PLD5: variants seen among roughly 807,000 people sequenced by gnomAD.
The protein encoded by PLD5 is inactive phospholipase D5.
Under a neutral mutation model 61.1 loss-of-function variants are expected in PLD5, and 36 were observed. The ratio of observed to expected loss-of-function variants is 0.59; its 90% CI spans 0.45 to 0.78. The LOEUF (loss-of-function observed/expected upper bound fraction) is 0.78, where lower values mean the gene tolerates loss of function less well. PLD5 is among the 30% of genes least tolerant of loss of function. The pLI, the probability that PLD5 is intolerant of heterozygous loss-of-function variation, is 0.00. For synonymous variants in PLD5, 243 were observed against 242.8 expected, an observed-to-expected ratio of 1.00 and a Z score of -0.01; for missense variants, 515 against 644.4, an observed-to-expected ratio of 0.80 and a Z score of 2.17.
intron 1 of PLD5, among the ~76,000 whole-genome samples, chr1:242,479,556 C>T (rs1047490834): frequency 1.3e-5 from 2 of 152,206 alleles, no homozygotes; most frequent in East Asian, 3.9e-4. Flanking sequence ...TCCGTAAAGA[C>T]ATACTATATG....
chr1:242,442,625 T>C (rs1228378844), intron 1 of PLD5, among the ~76,000 whole-genome samples: 1 of 152,210 alleles, frequency 6.6e-6, no homozygotes, highest in Non-Finnish European at 1.5e-5. Context: ...TGCAAAAATG[T>C]GAGCTGTACA....
At chr1:242,103,262 C>T (rs910048188) in intron 8 of PLD5, among the ~76,000 whole-genome samples, 1 of 152,166 alleles carries the variant, frequency 6.6e-6, no homozygotes, top group Admixed American at 6.5e-5. Flanking sequence ...CCTTCCCCAG[C>T]GCACACCTGC....
intron 1 of PLD5, among the ~76,000 whole-genome samples, chr1:242,370,428 AAGAGAGATGCAGAGAG>A (rs1571995538): frequency 6.6e-6 from 1 of 152,100 alleles, no homozygotes; most frequent in Admixed American, 6.6e-5. Context: ...GGTGAGGGGA[AAGAGAGATGCAGAGAG>A]AGAGAGATGC....
At chr1:242,143,621 G>T (rs935944771) in intron 5 of PLD5, among the ~76,000 whole-genome samples, 1 of 152,074 alleles carries the variant, frequency 6.6e-6, no homozygotes, top group Non-Finnish European at 1.5e-5. Flanking sequence ...TATAAACCCC[G>T]AGGAGGGAAA....
intron 6 of PLD5, among the ~76,000 whole-genome samples, chr1:242,120,488 G>A (rs1366543856): frequency 6.6e-6 from 1 of 152,008 alleles, no homozygotes; most frequent in Admixed American, 6.6e-5. Context: ...ATTTTATGGT[G>A]TGTAAATTAC....
rs1382050876 is a variant in PLD5, at chr1:242,348,209, C to T, written c.223G>A (p.Val75Met). 2.5e-6 allele frequency: 4 copies of T among 1,612,150 alleles called. No individual in the cohort carries two copies. The African/African-American group carries it at 5.4e-5, about 22-fold the overall frequency. ...QQKCIVIFAL[V>M]CCFAILVALI... ...GCAACCAGAATGGCAAAGCAGCACA[C>T]CAGGGCAAAGATCACGATGCACTTC... The change falls in exon 2 of 10, where the codon GTG (valine) becomes ATG (methionine). Residue 75 changes from valine to methionine, a missense_variant. Val to Met is a conservative substitution (Grantham distance 21). Coordinates refer to ENST00000536534, the MANE Select transcript of PLD5 (RefSeq NM_001372062.1).
At chr1:242,101,761 A>C (rs1276437938) in intron 8 of PLD5, among the ~76,000 whole-genome samples, 1 of 152,170 alleles carries the variant, frequency 6.6e-6, no homozygotes, top group Admixed American at 6.5e-5. Flanking sequence ...AAATAATGAG[A>C]GTTGGACTTC....
At chr1:242,478,958 TA>T (rs1374988602) in intron 1 of PLD5, among the ~76,000 whole-genome samples, 1 of 152,242 alleles carries the variant, frequency 6.6e-6, no homozygotes, top group African/African-American at 2.4e-5. Flanking sequence ...TGGAAGTTTT[TA>T]TGAAGTTTTT....
intron 1 of PLD5, among the ~76,000 whole-genome samples, chr1:242,411,463 C>T (rs1454347835): frequency 6.6e-6 from 1 of 152,090 alleles, no homozygotes; most frequent in Non-Finnish European, 1.5e-5. Context: ...TCTCGATCTC[C>T]TGACCTCGTG....
chr1:242,233,849 A>C (rs1671468845), intron 4 of PLD5, among the ~76,000 whole-genome samples: 1 of 152,180 alleles, frequency 6.6e-6, no homozygotes, highest in Non-Finnish European at 1.5e-5. Context: ...TAACTGAGTG[A>C]AAGAAATCAG....
Position 242,179,921 on chromosome 1 carries a change from A to AGT in PLD5, c.735+40065_735+40066dup, listed in dbSNP as rs4039792. ...CTGTCTCAAAACAAAACCAAAATTG[A>AGT]GTGTGTGTGTGTGTGTGTGTGTGTG... On this transcript the variant is annotated intron_variant, in intron 5 of 9. Coordinates refer to ENST00000536534, the MANE Select transcript of PLD5 (RefSeq NM_001372062.1). Among the ~76,000 whole-genome samples the AGT allele has an allele frequency of 3.1e-3, 465 of 150,550 alleles. 3 individuals are homozygous for AGT. Among genetic ancestry groups the AGT allele is most frequent in the South Asian group, 0.016 (76 of 4,722 alleles).
At chr1:242,267,912 A>T (rs911515284) in intron 3 of PLD5, among the ~76,000 whole-genome samples, 1 of 150,360 alleles carries the variant, frequency 6.7e-6, no homozygotes, top group Non-Finnish European at 1.5e-5. Context: ...AAGAGGCAGG[A>T]GGGGAGAGGG....
intron 5 of PLD5, among the ~76,000 whole-genome samples, chr1:242,151,821 A>AT (rs962774917): frequency 9.2e-5 from 14 of 151,822 alleles, no homozygotes; most frequent in African/African-American, 3.4e-4. Flanking sequence ...CTGTTCTTGT[A>AT]TTTTTTTCTT....
chr1:242,510,801 C>T (rs549082724), intron 1 of PLD5, among the ~76,000 whole-genome samples: 1 of 151,506 alleles, frequency 6.6e-6, no homozygotes, highest in African/African-American at 2.4e-5. Flanking sequence ...GCCGAGATCG[C>T]GCCACTGCAC....
Position 242,165,180 on chromosome 1 carries a change from C to T in PLD5, c.736-40515G>A, listed in dbSNP as rs561602427. 1.2e-4 allele frequency among the ~76,000 whole-genome samples: 17 copies of T among 146,586 alleles called. 1 individual carries two copies. In the South Asian group the frequency reaches 3.7e-3, roughly 32 times the overall value. On this transcript the variant is annotated intron_variant, in intron 5 of 9. Transcript: ENST00000536534. ...AGCAAGAACAGGGCTTGATATTTTA[C>T]TTAAGAAAAAAAAAAACTCAAGTGA...
At chr1:242,158,433 C>CTGG in intron 5 of PLD5, among the ~76,000 whole-genome samples, 1 of 152,218 alleles carries the variant, frequency 6.6e-6, no homozygotes, top group Non-Finnish European at 1.5e-5. Flanking sequence ...ACCCAGGGCC[C>CTGG]TGGTGGGGTA....
At chr1:242,368,302 G>T (rs1661450965) in intron 1 of PLD5, among the ~76,000 whole-genome samples, 1 of 144,918 alleles carries the variant, frequency 6.9e-6, no homozygotes, top group Non-Finnish European at 1.5e-5. Flanking sequence ...CCTGCATTCT[G>T]GAACTGCCCA....
chr1:242,119,687 G>A (rs530770623), intron 6 of PLD5, among the ~76,000 whole-genome samples: 102 of 152,160 alleles, frequency 6.7e-4, no homozygotes, highest in Non-Finnish European at 1.2e-3. Flanking sequence ...AAGTGTTGCC[G>A]AGGATGTGGA....
At chr1:242,388,333 T>C (rs1444601808) in intron 1 of PLD5, among the ~76,000 whole-genome samples, 1 of 152,150 alleles carries the variant, frequency 6.6e-6, no homozygotes, top group Non-Finnish European at 1.5e-5. Context: ...GTCCTGAATT[T>C]ACAGTGAAAT....
Sources: allele counts gnomAD v4.1 joint callset (sites outside exome capture counted in the v4.1 genomes callset), GRCh38; gene constraint gnomAD v4.1.1; transcripts MANE v1.5; gene names NCBI Gene and HGNC (gene_info 2026-07-23, HGNC 2026-07-21).